SETD5: variants seen among roughly 807,000 people sequenced by gnomAD.
SETD5 encodes the protein histone-lysine N-methyltransferase SETD5.
Under a neutral mutation model 153.3 loss-of-function variants are expected in SETD5, and 44 were observed. The ratio of observed to expected loss-of-function variants is 0.29; its 90% CI spans 0.23 to 0.37. The LOEUF is 0.37. SETD5 is among the 10% of genes least tolerant of loss of function. SETD5 has a pLI of 1.00. For missense variants in SETD5, 1,544 were observed against 1,768.0 expected, an observed-to-expected ratio of 0.87 and a Z score of 2.27; for synonymous variants, 716 against 645.2, an observed-to-expected ratio of 1.11 and a Z score of -1.66.
At chr3:9,441,464 A>G (rs1391348092) in intron 8 of SETD5, 129 bp from the exon 9 acceptor site, 6 of 804,870 alleles carry the variant, frequency 7.5e-6, no homozygotes, top group Non-Finnish European at 3.8e-6. Context: ...ATTTCTCATC[A>G]TTGATCTAAA....
chr3:9,400,379 G>T (rs895650202), intron 1 of SETD5, among the ~76,000 whole-genome samples: 7 of 152,062 alleles, frequency 4.6e-5, no homozygotes, highest in Non-Finnish European at 8.8e-5. Context: ...AACCACAATA[G>T]GAAGAAAATA....
chr3:9,411,227 G>T (rs2036524954), intron 1 of SETD5, among the ~76,000 whole-genome samples: 1 of 152,152 alleles, frequency 6.6e-6, no homozygotes. Flanking sequence ...TACTTGAAGT[G>T]TAGAGAGCTC....
In SETD5 at chr3:9,434,459, CT is replaced by C; in HGVS notation, c.305del (p.Phe102SerfsTer11). ...WCPCGLSQDG[F>X]LLNCDKCRGM... Reference sequence around the variant, plus strand: ...GTCCTTGTGGTCTTTCTCAGGATGGCTTCCTTCTCAACTGTGACAAGTGCAG... The same window carrying C: ...GTCCTTGTGGTCTTTCTCAGGATGGCTCCTTCTCAACTGTGACAAGTGCAG... On this transcript the variant is annotated frameshift_variant, in exon 5 of 23. Coordinates refer to ENST00000402198, the MANE Select transcript of SETD5 (RefSeq NM_001080517.3). LOFTEE classifies it high-confidence loss of function. This position sits in a 1 kb window ranked among gnomAD's most constrained non-coding sequence, Gnocchi z 5.6. 6.2e-7 allele frequency: 1 copy of C among 1,613,942 alleles called. No individual in the cohort carries two copies. Among genetic ancestry groups the C allele is most frequent in the Non-Finnish European group, 8.5e-7 (1 of 1,179,882 alleles).
At position 9,470,731 on chromosome 3, in the gene SETD5, G is replaced by A. The variant is rs772513647; in HGVS notation, c.2997G>A (p.Leu999=). Residue 999 remains leucine, a synonymous_variant, in exon 19 of 23, where the codon CTG becomes CTA. Transcript: ENST00000402198. ...PLNAMPRADG[L]YRGSPLVGDR... is the part of the protein sequence containing the mutation. ...ATGCTATGCCTCGAGCAGATGGACT[G>A]TATCGAGGATCTCCTCTAGTGGGGG... 1.9e-6 allele frequency: 3 copies of A among 1,613,918 alleles called. No individual in the cohort carries two copies. The highest frequency in any genetic ancestry group is 2.5e-6 in the Non-Finnish European group (3 of 1,179,894).
chr3:9,442,039 C>A, intron 9 of SETD5, 89 bp from the exon 10 acceptor site: 1 of 880,516 alleles, frequency 1.1e-6, no homozygotes, highest in Non-Finnish European at 1.8e-6. Context: ...ACTGCTGCTG[C>A]TTCTCTCAGC....
chr3:9,443,454 A>G, intron 11 of SETD5, 37 bp downstream of exon 11: 3 of 1,130,568 alleles, frequency 2.7e-6, no homozygotes, highest in Non-Finnish European at 3.5e-6. Flanking sequence ...AGGAATATCC[A>G]TGTCTTACAT....
chr3:9,415,645 G>A (rs2037300834), intron 1 of SETD5, among the ~76,000 whole-genome samples: 1 of 151,396 alleles, frequency 6.6e-6, no homozygotes, highest in Non-Finnish European at 1.5e-5. Context: ...CAGTGGCACA[G>A]TCATAGCTCA....
At chr3:9,437,516 C>T (rs576529945) in intron 7 of SETD5, among the ~76,000 whole-genome samples, 1 of 125,236 alleles carries the variant, frequency 8.0e-6, no homozygotes, top group Admixed American at 7.8e-5. Flanking sequence ...CTGGTATCCT[C>T]CTTTACGTGT....
At chr3:9,455,297 G>A (rs954669030) in intron 17 of SETD5, among the ~76,000 whole-genome samples, 33 of 150,608 alleles carry the variant, frequency 2.2e-4, no homozygotes, top group African/African-American at 7.5e-4. Flanking sequence ...GTAGAGACGG[G>A]GTTTCACCAT....
At chr3:9,422,848 T>C (rs1371799135) in intron 1 of SETD5, among the ~76,000 whole-genome samples, 6 of 152,220 alleles carry the variant, frequency 3.9e-5, no homozygotes, top group Non-Finnish European at 8.8e-5. Flanking sequence ...TGGCAGCAGA[T>C]CTTGTTCATC....
At chr3:9,435,419 A>G (rs887257730) in intron 6 of SETD5, among the ~76,000 whole-genome samples, 2 of 152,208 alleles carry the variant, frequency 1.3e-5, no homozygotes, top group Non-Finnish European at 1.5e-5. Context: ...TGTGAACACA[A>G]AAAATATGGA....
chr3:9,466,287 CAAAAAAAAAA>C (rs146498301), intron 18 of SETD5, among the ~76,000 whole-genome samples: 21 of 63,284 alleles, frequency 3.3e-4, no homozygotes, highest in Admixed American at 2.0e-3. Flanking sequence ...GACTCCGTCT[CAAAAAAAAAA>C]AAAAAAAAAA....
At chr3:9,456,122 A>G (rs1240905068) in intron 17 of SETD5, among the ~76,000 whole-genome samples, 2 of 152,144 alleles carry the variant, frequency 1.3e-5, no homozygotes, top group Non-Finnish European at 2.9e-5. Context: ...AATAGAAAAA[A>G]TCAAACAGAC....
intron 17 of SETD5, among the ~76,000 whole-genome samples, chr3:9,457,570 A>G (rs2043415301): frequency 6.6e-6 from 1 of 150,790 alleles, no homozygotes; most frequent in Admixed American, 6.6e-5. Flanking sequence ...AAAAGTGTAA[A>G]TATATTTTAA....
At chr3:9,453,564 G>A (rs1350236595) in intron 16 of SETD5, among the ~76,000 whole-genome samples, 175 bp from the exon 17 acceptor site, 1 of 152,108 alleles carries the variant, frequency 6.6e-6, no homozygotes, top group Non-Finnish European at 1.5e-5. Context: ...TCAGTTAAAA[G>A]GAATTGATAG....
At chr3:9,456,489 A>C (rs2043260369) in intron 17 of SETD5, among the ~76,000 whole-genome samples, 1 of 151,684 alleles carries the variant, frequency 6.6e-6, no homozygotes, top group African/African-American at 2.4e-5. Context: ...TTAAAAAAAA[A>C]AAAAAAAACA....
intron 21 of SETD5, 135 bp downstream of exon 21, chr3:9,474,717 C>A: frequency 1.6e-6 from 2 of 1,227,550 alleles, no homozygotes; most frequent in Non-Finnish European, 2.3e-6. Context: ...AGGTTCCAGC[C>A]CACTTATGCT....
In SETD5 at chr3:9,474,512, C is replaced by A; in HGVS notation, c.3561C>A (p.Ser1187Arg). 6.2e-7 allele frequency: 1 copy of A among 1,613,856 alleles called. No homozygotes were observed. Residue 1187 changes from serine (S) to arginine (R), a missense_variant, in exon 21 of 23, where the codon AGC (serine) becomes AGA (arginine). Transcript: ENST00000402198. Reference protein sequence around the residue: ...EGGSIPKVLRSSVRVAQKGEP... With the variant: ...EGGSIPKVLRRSVRVAQKGEP... ...GGAGCATCCCCAAGGTCCTCCGAAG[C>A]AGCGTGAGGGTGGCCCAAAAGGGAG...
intron 12 of SETD5, 166 bp downstream of exon 12, chr3:9,445,466 A>T: frequency 1.1e-6 from 1 of 951,044 alleles, no homozygotes; most frequent in South Asian, 1.7e-5. Context: ...TTACAAAGTC[A>T]AAAACATCCT....
Sources: allele counts gnomAD v4.1 joint callset (sites outside exome capture counted in the v4.1 genomes callset), GRCh38; gene constraint gnomAD v4.1.1; non-coding constraint Gnocchi (gnomAD v3.1); transcripts MANE v1.5; gene names NCBI Gene and HGNC (gene_info 2026-07-23, HGNC 2026-07-21).